Variants in GAS6 observed in about 807,000 individuals in gnomAD.
GAS6 encodes growth arrest specific 6, also known as growth arrest-specific protein 6.
A neutral mutation model predicts 75.8 loss-of-function variants in GAS6; 41 were observed. That is an observed-to-expected ratio of 0.54 (90% CI 0.42 to 0.70). The LOEUF is 0.70. GAS6 is among the 30% of genes least tolerant of loss of function. The pLI is 0.00. For missense variants in GAS6, 854 were observed against 940.2 expected (o/e 0.91, Z 1.20); for synonymous variants, 432 against 412.6 (o/e 1.05, Z -0.57).
Position 113,863,849 on chromosome 13 carries a change from G to A in GAS6, c.72C>T (p.Ala24=), listed in dbSNP as rs1401185235. The stretch of plus-strand genomic sequence containing the variant: ...GGGACTCACCAAGCGCGCACTCCGC[G>A]GCCAGCAGCAGCAGCAGCAGCTGCG... ...RAPQLLLLLL[A]AECALAALLP... Residue 24 remains alanine (A), a synonymous_variant, in exon 1 of 15, where the codon GCC becomes GCT. Transcript: ENST00000327773. The surrounding 1 kb of genome is among the most constrained non-coding windows in gnomAD (Gnocchi z 9.4). 5 of 1,276,370 alleles carry A rather than the reference G, an allele frequency of 3.9e-6. No individual in the cohort carries two copies. Among genetic ancestry groups the A allele is most frequent in the South Asian group, 2.7e-5 (1 of 37,232 alleles). 79.1% of individuals were successfully genotyped at this position (1,276,370 alleles called of 1,614,324 possible). A position where few individuals can be genotyped will look rare whatever the true frequency, so the allele number is the denominator to read the frequency against.
intron 8 of GAS6, chr13:113,833,473 C>A: frequency 1.0e-6 from 1 of 990,478 alleles, no homozygotes; most frequent in Non-Finnish European, 1.2e-6. Context: ...AATAAATGCT[C>A]ACTCTCATCA....
At chr13:113,835,457 C>A in intron 7 of GAS6, 56 bp downstream of exon 7, 2 of 1,591,646 alleles carry the variant, frequency 1.3e-6, no homozygotes, top group Non-Finnish European at 1.7e-6. Context: ...GTGACTGGCA[C>A]CCGTGTCTAG....
chr13:113,843,658 G>T (rs1299560625), intron 4 of GAS6: 1 of 151,168 alleles, frequency 6.6e-6, no homozygotes, highest in Non-Finnish European at 1.5e-5. Context: ...CTCTTCAGGG[G>T]CACCTGGGAA....
In GAS6 at chr13:113,863,799, C is replaced by G. The variant is rs1218753085; in HGVS notation, c.88+34G>C. The G allele has an allele frequency of 3.6e-6, 5 of 1,395,122 alleles. No homozygotes were observed. In the Admixed American group the frequency reaches 1.9e-4, roughly 52 times the overall value. The allele number at this position is 1,395,122 out of a possible 1,614,324, so 86.4% of individuals were successfully genotyped here. On this transcript the variant is annotated intron_variant, in intron 1 of 14. Transcript: ENST00000327773. This position sits in a 1 kb window ranked among gnomAD's most constrained non-coding sequence, Gnocchi z 9.4. The stretch of plus-strand genomic sequence containing the variant: ...CCGCGCCCGGAGCCTCCTCCCGCCG[C>G]CCGGGGACGGGGTCTCGGGCCCGCG...
In GAS6 at chr13:113,820,688, G is replaced by A. The variant is rs570781938; in HGVS notation, c.*176C>T. 5.0e-5 allele frequency: 37 copies of A among 733,622 alleles called. No homozygotes were observed. Among genetic ancestry groups the A allele is most frequent in the Middle Eastern group, 4.0e-4 (1 of 2,472 alleles). The allele number at this position is 733,622 out of a possible 1,614,324, so 45.4% of individuals were successfully genotyped here. On this transcript the variant is annotated 3_prime_UTR_variant, in exon 15 of 15. Coordinates refer to ENST00000327773, the MANE Select transcript of GAS6 (RefSeq NM_000820.4). ...CCTCCCCGCGCCCGGGCCCACGGCT[G>A]AGTGCGCGGCGTCAGAGGCCCCAAG...
At position 113,838,421 on chromosome 13, in the gene GAS6, G is replaced by A. The variant is rs1438813624; in HGVS notation, c.467-230C>T. Among the ~76,000 whole-genome samples the A allele has an allele frequency of 3.7e-4, 47 of 127,112 alleles. No individual in the cohort carries two copies. The East Asian group carries it at 6.0e-3, about 16-fold the overall frequency. 83.4% of individuals were successfully genotyped at this position (127,112 alleles called of 152,430 possible). A position where few individuals can be genotyped will look rare whatever the true frequency, so the allele number is the denominator to read the frequency against. ...CCCCGGAGCAGGAGGAAGGGACCCCGGGGGTGCACAGCCCAGCCCTGGAGC... is the reference window on the plus strand; with the variant it reads ...CCCCGGAGCAGGAGGAAGGGACCCCAGGGGTGCACAGCCCAGCCCTGGAGC... On this transcript the variant is annotated intron_variant, in intron 5 of 14. Coordinates refer to ENST00000327773, the MANE Select transcript of GAS6 (RefSeq NM_000820.4).
intron 2 of GAS6, among the ~76,000 whole-genome samples, chr13:113,857,168 A>C (rs1171415320): frequency 1.3e-5 from 2 of 152,218 alleles, no homozygotes; most frequent in Non-Finnish European, 2.9e-5. Flanking sequence ...AATTTCACCT[A>C]TAATTTGAAA....
intron 2 of GAS6, among the ~76,000 whole-genome samples, chr13:113,859,047 T>C (rs1000861391): frequency 1.3e-5 from 2 of 151,282 alleles, no homozygotes; most frequent in African/African-American, 4.9e-5. Flanking sequence ...GTCTGGACAG[T>C]GTGTGACTGT....
At position 113,828,645 on chromosome 13, in the gene GAS6, C is replaced by T. The variant is rs767448147; in HGVS notation, c.1210G>A (p.Ala404Thr). 5.6e-6 allele frequency: 9 copies of T among 1,613,498 alleles called. No homozygotes were observed. Among genetic ancestry groups the T allele is most frequent in the African/African-American group, 2.7e-5 (2 of 74,944 alleles). ...KVNRDAVMKIAVAGDLFQPER... is the reference protein window; with the variant it reads ...KVNRDAVMKITVAGDLFQPER... ...GGTTGGAACAAGTCCCCGGCCACCG[C>T]GATTTTCATGACAGCATCCCTGTTG... is the stretch of plus-strand genomic sequence containing the variant. The change falls in exon 11 of 15, where the codon GCG becomes ACG. Residue 404 changes from alanine to threonine, a missense_variant. Coordinates refer to ENST00000327773, the MANE Select transcript of GAS6 (RefSeq NM_000820.4).
rs375788560 is a variant in GAS6, at chr13:113,828,691, C to A, written c.1164G>T (p.Ala388=). The A allele has an allele frequency of 1.2e-6, 2 of 1,613,372 alleles. No individual in the cohort carries two copies. The highest frequency in any genetic ancestry group is 2.2e-5 in the South Asian group (2 of 91,072). ...MWQTISVEEL[A]RNLVIKVNRD... ...TGTTGACCTTGATGACCAGATTCCG[C>A]GCCAGCTCCTCAACAGAGATCTGAA... The change falls in exon 11 of 15, where the codon GCG becomes GCT. Residue 388 remains alanine, a synonymous_variant. Transcript: ENST00000327773.
At chr13:113,849,026 T>C (rs1334012330) in intron 2 of GAS6, among the ~76,000 whole-genome samples, 2 of 152,252 alleles carry the variant, frequency 1.3e-5, no homozygotes, top group African/African-American at 2.4e-5. Context: ...TGCATGGCCT[T>C]TCTGCCTCCT....
chr13:113,833,165 C>T (rs2051651289), intron 8 of GAS6: 17 of 1,135,960 alleles, frequency 1.5e-5, no homozygotes, highest in Admixed American at 8.3e-5. Context: ...CCACGCTGCC[C>T]GAAGGGGGAC....
Position 113,835,508 on chromosome 13 carries a change from G to C in GAS6, c.712+5C>G. ...AAAGCGAGGGTGACCGCGTGGCGTG[G>C]GTACCTCGGCAAGCCTTCTCCTGGG... On this transcript the variant is annotated splice_donor_5th_base_variant and intron_variant, in intron 7 of 14. Transcript: ENST00000327773. The C allele has an allele frequency of 6.2e-7, 1 of 1,612,234 alleles. No individual in the cohort carries two copies.
chr13:113,840,990 G>GC (rs1381061145), intron 4 of GAS6: 1 of 152,404 alleles, frequency 6.6e-6, no homozygotes, highest in East Asian at 1.9e-4. Context: ...TAAGGGGTCA[G>GC]CCCTGGTGGG....
intron 4 of GAS6, chr13:113,840,072 A>C: frequency 1.7e-6 from 1 of 578,076 alleles, no homozygotes; most frequent in South Asian, 2.3e-5. Flanking sequence ...AACTCAGATC[A>C]ACTGGGAGGG....
rs573095333 is a variant in GAS6, at chr13:113,824,543, C to T, written c.1478-993G>A. Among the ~76,000 whole-genome samples, 203 of 152,316 alleles carry T rather than the reference C, an allele frequency of 1.3e-3. 1 individual carries two copies. Among genetic ancestry groups the T allele is most frequent in the African/African-American group, 4.7e-3 (194 of 41,550 alleles). On this transcript the variant is annotated intron_variant, in intron 12 of 14. Transcript: ENST00000327773. ...GAAGAAAAAACTTCCGCCCTGTTTTCAGTGTTTCTATCTCACCCAGAATTC... is the reference window on the plus strand; with the variant it reads ...GAAGAAAAAACTTCCGCCCTGTTTTTAGTGTTTCTATCTCACCCAGAATTC...
chr13:113,858,777 G>A (rs1474227286), intron 2 of GAS6, among the ~76,000 whole-genome samples: 2 of 151,076 alleles, frequency 1.3e-5, no homozygotes, highest in East Asian at 1.9e-4. Context: ...CATTATGCAT[G>A]TGTGTACATG....
intron 12 of GAS6, among the ~76,000 whole-genome samples, chr13:113,824,503 T>C (rs1426911647): frequency 6.6e-6 from 1 of 152,166 alleles, no homozygotes; most frequent in Admixed American, 6.5e-5. Flanking sequence ...GAGCCCTCCG[T>C]GGACTAAGAA....
chr13:113,832,243 G>A, intron 10 of GAS6, 56 bp downstream of exon 10: 1 of 1,554,406 alleles, frequency 6.4e-7, no homozygotes, highest in Admixed American at 1.8e-5. Context: ...TGACAGCTGA[G>A]TCTGGCTCAG....
Sources: allele counts gnomAD v4.1 joint callset (sites outside exome capture counted in the v4.1 genomes callset), GRCh38; gene constraint gnomAD v4.1.1; non-coding constraint Gnocchi (gnomAD v3.1); transcripts MANE v1.5; gene names NCBI Gene and HGNC (gene_info 2026-07-23, HGNC 2026-07-21).